The following YAE1 variants were observed in gnomAD, a reference collection of about 807,000 sequenced individuals.
The protein encoded by YAE1 is protein YAE1 homolog.
YAE1 carries 22 observed loss-of-function variants against 23.0 expected under a neutral mutation model. The observed-to-expected ratio is 0.96, with a 90% CI of 0.68 to 1.37. The LOEUF (loss-of-function observed/expected upper bound fraction) is 1.37, where lower values mean the gene tolerates loss of function less well. YAE1 is among the 40% of genes most tolerant of loss of function. The pLI, the probability that YAE1 is intolerant of heterozygous loss-of-function variation, is 0.00. For missense variants in YAE1, 260 were observed against 262.1 expected (o/e 0.99, Z 0.06); for synonymous variants, 101 against 97.0 (o/e 1.04, Z -0.24).
chr7:39,574,342 A>T (rs938603155), downstream of YAE1, among the ~76,000 whole-genome samples: 1 of 152,346 alleles, frequency 6.6e-6, no homozygotes, highest in South Asian at 2.1e-4. Context: ...TCACACCTGT[A>T]ATCTCAACAC....
chr7:39,581,396 T>C (rs1251559909), intron 2 of YAE1, among the ~76,000 whole-genome samples: 2 of 152,196 alleles, frequency 1.3e-5, no homozygotes, highest in Non-Finnish European at 2.9e-5. Flanking sequence ...AATGATAGCT[T>C]TTGCCAATAA....
chr7:39,604,643 T>C (rs1416102501), intron 2 of YAE1, among the ~76,000 whole-genome samples: 1 of 152,192 alleles, frequency 6.6e-6, no homozygotes, highest in East Asian at 1.9e-4. Context: ...CTACTTTGAT[T>C]AGTAGTTATA....
intron 2 of YAE1, among the ~76,000 whole-genome samples, chr7:39,598,402 C>G (rs1791008150): frequency 7.0e-6 from 1 of 142,654 alleles, no homozygotes; most frequent in Non-Finnish European, 1.5e-5. Flanking sequence ...AGCCACCGCA[C>G]CTGGGCCAAG....
intron 2 of YAE1, among the ~76,000 whole-genome samples, chr7:39,571,872 T>C (rs1192866252): frequency 6.6e-6 from 1 of 152,186 alleles, no homozygotes; most frequent in Non-Finnish European, 1.5e-5. Flanking sequence ...ACGATGGTTT[T>C]CAACTTTGGT....
intron 2 of YAE1, among the ~76,000 whole-genome samples, chr7:39,588,425 C>T (rs1012628162): frequency 2.0e-5 from 3 of 150,114 alleles, no homozygotes; most frequent in Non-Finnish European, 4.4e-5. Context: ...GGCAGGAGAT[C>T]GCTTGTTGCA....
downstream of YAE1, among the ~76,000 whole-genome samples, chr7:39,611,644 G>T (rs1175021978): frequency 1.3e-5 from 2 of 152,212 alleles, no homozygotes; most frequent in African/African-American, 4.8e-5. Context: ...AGGGTATTCT[G>T]CCCCTTGTTT....
At chr7:39,574,415 TAGTG>T (rs960365468), downstream of YAE1, among the ~76,000 whole-genome samples, 32 of 152,014 alleles carry the variant, frequency 2.1e-4, no homozygotes, top group African/African-American at 7.7e-4. Flanking sequence ...CTGGGCAACA[TAGTG>T]AGACTTTGTC....
At chr7:39,584,925 T>C (rs1790794495) in intron 2 of YAE1, among the ~76,000 whole-genome samples, 1 of 152,190 alleles carries the variant, frequency 6.6e-6, no homozygotes, top group Non-Finnish European at 1.5e-5. Context: ...AACCTCCACT[T>C]AGCAGCCTCC....
chr7:39,571,326 T>C (rs1458362301), intron 2 of YAE1, among the ~76,000 whole-genome samples: 1 of 151,524 alleles, frequency 6.6e-6, no homozygotes, highest in Non-Finnish European at 1.5e-5. Flanking sequence ...TAATGTATTT[T>C]ATGTGTGGCC....
At chr7:39,611,666 G>A (rs934610179), downstream of YAE1, among the ~76,000 whole-genome samples, 1 of 152,194 alleles carries the variant, frequency 6.6e-6, no homozygotes, top group Admixed American at 6.5e-5. Flanking sequence ...CACAGCTGAG[G>A]CACAGAAAGT....
At chr7:39,571,196 A>G (rs1790558003) in intron 2 of YAE1, among the ~76,000 whole-genome samples, 2 of 152,064 alleles carry the variant, frequency 1.3e-5, no homozygotes, top group South Asian at 2.1e-4. Flanking sequence ...GGCTTTGAAT[A>G]TGGCCCAACA....
At chr7:39,578,971 A>C (rs1444704475) in intron 2 of YAE1, among the ~76,000 whole-genome samples, 1 of 152,270 alleles carries the variant, frequency 6.6e-6, no homozygotes, top group Admixed American at 6.5e-5. Context: ...AAAGTGCAGA[A>C]AGAAACTACA....
Position 39,566,435 on chromosome 7 carries a change from C to T in YAE1, c.17C>T (p.Ala6Val), listed in dbSNP as rs1259536257. The change falls in exon 1 of 3, where the codon GCA (alanine) becomes GTA (valine). Residue 6 changes from alanine to valine, a missense_variant. Physicochemically the swap from Ala to Val is moderately conservative, Grantham distance 64. Transcript: ENST00000223273. Reference protein sequence around the residue: MSWVQAASLIQGPGDK... With the variant: MSWVQVASLIQGPGDK... ...GCCTCGGTGATGTCGTGGGTTCAAG[C>T]AGCCTCCTTGATCCAGGGCCCTGGA... 1.2e-6 allele frequency: 2 copies of T among 1,614,106 alleles called. No individual in the cohort carries two copies. Among genetic ancestry groups the T allele is most frequent in the East Asian group, 2.2e-5 (1 of 44,876 alleles).
At chr7:39,610,875 T>C (rs1237436849), downstream of YAE1, among the ~76,000 whole-genome samples, 1 of 152,170 alleles carries the variant, frequency 6.6e-6, no homozygotes, top group Non-Finnish European at 1.5e-5. Flanking sequence ...AGGCTGGGTA[T>C]GGTGGCTCAT....
At chr7:39,606,448 C>T (rs1469150019) in intron 2 of YAE1, among the ~76,000 whole-genome samples, 1 of 152,138 alleles carries the variant, frequency 6.6e-6, no homozygotes, top group Non-Finnish European at 1.5e-5. Context: ...CAGATAATTC[C>T]AATCTCATTC....
chr7:39,604,348 A>T (rs1011457893), intron 2 of YAE1, among the ~76,000 whole-genome samples: 10 of 152,216 alleles, frequency 6.6e-5, no homozygotes, highest in Non-Finnish European at 1.3e-4. Flanking sequence ...GGCAAGAGGG[A>T]TTGCTCCTAT....
intron 2 of YAE1, among the ~76,000 whole-genome samples, chr7:39,597,786 A>G (rs1292612770): frequency 6.6e-6 from 1 of 151,838 alleles, no homozygotes; most frequent in Non-Finnish European, 1.5e-5. Context: ...ATTTACATTT[A>G]AAAGTGAGAT....
downstream of YAE1, among the ~76,000 whole-genome samples, chr7:39,611,342 G>A (rs964682134): frequency 6.6e-6 from 1 of 152,116 alleles, no homozygotes; most frequent in African/African-American, 2.4e-5. Flanking sequence ...AATGGAGTTG[G>A]TGCTTACCTC....
chr7:39,583,500 A>G (rs953006775), intron 2 of YAE1, among the ~76,000 whole-genome samples: 1 of 152,232 alleles, frequency 6.6e-6, no homozygotes, highest in Non-Finnish European at 1.5e-5. Flanking sequence ...AGAAAATTCT[A>G]TGAGAAGTGA....
Sources: allele counts gnomAD v4.1 joint callset (sites outside exome capture counted in the v4.1 genomes callset), GRCh38; gene constraint gnomAD v4.1.1; transcripts MANE v1.5; gene names NCBI Gene and HGNC (gene_info 2026-07-23, HGNC 2026-07-21).